The following PSD2 variants were observed in gnomAD, a reference collection of about 807,000 sequenced individuals.
PSD2 encodes the protein PH and SEC7 domain-containing protein 2.
A neutral mutation model predicts 69.8 loss-of-function variants in PSD2; 38 were observed. The observed-to-expected ratio is 0.54, with a 90% CI of 0.42 to 0.71. The LOEUF is 0.71. Ranked by LOEUF, PSD2 falls within the 30% of genes least tolerant of loss-of-function variation. The probability of loss-of-function intolerance (pLI) is 0.00; values close to 1 mark genes in which losing one functional copy is unlikely to be tolerated. For missense variants in PSD2, 943 were observed against 1,014.5 expected (o/e 0.93, Z 0.96); for synonymous variants, 412 against 423.0 (o/e 0.97, Z 0.32).
the PSD2 span, among the ~76,000 whole-genome samples, chr5:139,768,711 A>G: frequency 6.6e-5 from 10 of 150,790 alleles, no homozygotes; most frequent in Non-Finnish European, 1.0e-4. Flanking sequence ...CAACAAGAGC[A>G]AAACTCCATC....
Position 139,836,902 on chromosome 5 carries a change from G to T in PSD2, c.1495G>T (p.Gly499Cys). ...GAAGGTGACGCGAATCCTGGATGGT[G>T]GCAACCCCTTCCTGGATGTCCCACA... ...TKKVTRILDGGNPFLDVPQAL... is the reference protein window; with the variant it reads ...TKKVTRILDGCNPFLDVPQAL... Residue 499 changes from glycine (G) to cysteine (C), a missense_variant, in exon 10 of 15, where the codon GGC becomes TGC. Gly to Cys is a radical substitution (Grantham distance 159). Transcript: ENST00000274710. 1 of 1,614,200 alleles carries T rather than the reference G, an allele frequency of 6.2e-7. No individual in the cohort carries two copies. The highest frequency in any genetic ancestry group is 8.5e-7 in the Non-Finnish European group (1 of 1,180,030).
rs779194570 is a variant in PSD2 at position 139,835,799 on chromosome 5, G to C, written c.1403+33G>C. On this transcript the variant is annotated intron_variant, in intron 9 of 14. Transcript: ENST00000274710. ...GTGACGATGGGCACAGGTATGGGGA[G>C]CATACATCCCTGGGTGGGGGAGTGT... 8 of 1,606,118 alleles carry C rather than the reference G, an allele frequency of 5.0e-6. No homozygotes were observed. In the East Asian group the frequency reaches 1.8e-4, roughly 36 times the overall value.
Position 139,813,789 on chromosome 5 carries a change from C to T in PSD2, c.821+31C>T, listed in dbSNP as rs372536901. 168 of 1,554,100 alleles carry T rather than the reference C, an allele frequency of 1.1e-4. No homozygotes were observed. In the South Asian group the frequency reaches 1.2e-3, roughly 11 times the overall value. ...GCAGGGCCCAGGCTGGGAGAACCAC[C>T]GAGCAGATGGGGAAACTGAGACCCA... On this transcript the variant is annotated intron_variant, in intron 3 of 14. Transcript: ENST00000274710.
intron 1 of PSD2, among the ~76,000 whole-genome samples, chr5:139,802,798 TG>T (rs1372937319): frequency 1.3e-5 from 2 of 151,992 alleles, no homozygotes; most frequent in African/African-American, 4.8e-5. Context: ...GCCAATTGGC[TG>T]GGGGGTTGGG....
At chr5:139,804,999 C>G (rs919827129) in intron 1 of PSD2, among the ~76,000 whole-genome samples, 4 of 149,836 alleles carry the variant, frequency 2.7e-5, no homozygotes, top group African/African-American at 7.4e-5. Flanking sequence ...GTGTGTGTCT[C>G]TGTGTGTGTG....
upstream of PSD2, among the ~76,000 whole-genome samples, chr5:139,795,571 C>T (rs1581704384): frequency 6.6e-6 from 1 of 152,204 alleles, no homozygotes; most frequent in South Asian, 2.1e-4. This position sits in a 1 kb window ranked among gnomAD's most constrained non-coding sequence, Gnocchi z 4.5. Context: ...CTCCCCTCCC[C>T]CCCTTTCTTA....
the PSD2 span, among the ~76,000 whole-genome samples, chr5:139,768,615 T>C: frequency 6.6e-6 from 1 of 151,534 alleles, no homozygotes; most frequent in Non-Finnish European, 1.5e-5. Flanking sequence ...CCCAGCTATT[T>C]GGGAGGCTGA....
intron 14 of PSD2, 95 bp from the exon 15 acceptor site, chr5:139,842,176 C>T: frequency 2.1e-6 from 2 of 951,842 alleles, no homozygotes; most frequent in Non-Finnish European, 3.2e-6. Context: ...TGAAAGCTCT[C>T]TGCATATTAA....
At chr5:139,749,340 A>C in the PSD2 span, among the ~76,000 whole-genome samples, 2 of 152,054 alleles carry the variant, frequency 1.3e-5, no homozygotes, top group African/African-American at 4.8e-5. Flanking sequence ...ATTTTCTCTG[A>C]CTGATTTGGG....
intron 1 of PSD2, among the ~76,000 whole-genome samples, chr5:139,796,963 T>C (rs181133253): frequency 1.4e-3 from 207 of 151,654 alleles, no homozygotes; most frequent in Non-Finnish European, 2.4e-3. Context: ...GTTTGGACTT[T>C]CCTGGGTTCC....
intron 9 of PSD2, 63 bp from the exon 10 acceptor site, chr5:139,836,748 G>A: frequency 6.8e-7 from 1 of 1,471,208 alleles, no homozygotes; most frequent in East Asian, 2.3e-5. Context: ...GGTGGGGAAA[G>A]GCCATGACGA....
At chr5:139,790,704 A>T in the PSD2 span, among the ~76,000 whole-genome samples, 1 of 152,268 alleles carries the variant, frequency 6.6e-6, no homozygotes, top group African/African-American at 2.4e-5. Context: ...TGTGGCAGTC[A>T]CTGAGGACTA....
In PSD2 at chr5:139,837,685, C is replaced by T. The variant is rs758523586; in HGVS notation, c.1726C>T (p.His576Tyr). 1.9e-6 allele frequency: 3 copies of T among 1,614,060 alleles called. No individual in the cohort carries two copies. The Admixed American group carries it at 5.0e-5, about 27-fold the overall frequency. ...TGACCTGAAGAACGCCATTCGCGTG[C>T]ATCACGCTCTGGCCACCAGGGCCTC... Reference protein sequence around the residue: ...EGDLKNAIRVHHALATRASDY... With the variant: ...EGDLKNAIRVYHALATRASDY... The change falls in exon 12 of 15, where the codon CAT becomes TAT. Residue 576 changes from histidine (H) to tyrosine (Y), a missense_variant. Transcript: ENST00000274710. This position sits in a 1 kb window ranked among gnomAD's most constrained non-coding sequence, Gnocchi z 5.0.
the PSD2 span, among the ~76,000 whole-genome samples, chr5:139,750,197 G>A: frequency 2.0e-5 from 3 of 152,162 alleles, no homozygotes; most frequent in East Asian, 5.8e-4. Context: ...GTAGTGGCAG[G>A]CGCCTGTAGT....
intron 7 of PSD2, among the ~76,000 whole-genome samples, chr5:139,824,554 G>A (rs991297362): frequency 4.0e-5 from 6 of 151,888 alleles, no homozygotes; most frequent in Non-Finnish European, 8.8e-5. Context: ...CTGCCACCAC[G>A]CCCGGCTAAT....
chr5:139,774,030 A>G, the PSD2 span, among the ~76,000 whole-genome samples: 1 of 152,032 alleles, frequency 6.6e-6, no homozygotes, highest in Non-Finnish European at 1.5e-5. Flanking sequence ...TTTACATCAT[A>G]GCTCACTGCA....
upstream of PSD2, among the ~76,000 whole-genome samples, chr5:139,792,691 C>G (rs185031050): frequency 6.6e-6 from 1 of 152,180 alleles, no homozygotes; most frequent in East Asian, 1.9e-4. Context: ...GATGTTGACC[C>G]TGCTGTCTTT....
chr5:139,792,722 TTTTC>T (rs1029405681), upstream of PSD2, among the ~76,000 whole-genome samples: 4 of 151,906 alleles, frequency 2.6e-5, no homozygotes, highest in African/African-American at 7.3e-5. Flanking sequence ...CTTTCTTTTC[TTTTC>T]TTTCTCTCTT....
chr5:139,771,258 G>A, the PSD2 span, among the ~76,000 whole-genome samples: 2 of 152,358 alleles, frequency 1.3e-5, no homozygotes, highest in Admixed American at 1.3e-4. Flanking sequence ...TTGCGGGCCT[G>A]GGGACCCGGG....
Sources: gnomAD v4.1 joint callset for allele counts (sites outside exome capture counted in the v4.1 genomes callset) on GRCh38, gnomAD v4.1.1 for gene constraint, Gnocchi (gnomAD v3.1) non-coding constraint, MANE v1.5 for transcripts, NCBI Gene and HGNC (gene_info 2026-07-23, HGNC 2026-07-21) for gene names.